Variants in LRRK2 observed in about 807,000 individuals in gnomAD.
LRRK2 encodes the protein leucine rich repeat kinase 2, also known as leucine-rich repeat serine/threonine-protein kinase 2.
LRRK2 carries 203 observed loss-of-function variants against 302.6 expected under a neutral mutation model. The ratio of observed to expected loss-of-function variants is 0.67; its 90% CI spans 0.60 to 0.75. The LOEUF (loss-of-function observed/expected upper bound fraction) is 0.75. Ranked by LOEUF, LRRK2 falls within the 30% of genes least tolerant of loss-of-function variation. LRRK2 has a pLI of 0.00. For synonymous variants in LRRK2, 1,066 were observed against 1,031.9 expected, an observed-to-expected ratio of 1.03 and a Z score of -0.63; for missense variants, 2,830 against 2,951.0, an observed-to-expected ratio of 0.96 and a Z score of 0.95.
Position 40,249,861 on chromosome 12 carries a change from C to T in LRRK2, c.874C>T (p.His292Tyr). 1.2e-6 allele frequency: 2 copies of T among 1,613,816 alleles called. No homozygotes were observed. Among genetic ancestry groups the T allele is most frequent in the Non-Finnish European group, 1.7e-6 (2 of 1,179,830 alleles). ...FFNILVLNEVHEFVVKAVQQY... is the reference protein window; with the variant it reads ...FFNILVLNEVYEFVVKAVQQY... ...CAATATCCTGGTATTAAACGAAGTC[C>T]ATGAGTTTGTGGTGAAAGCTGTGCA... Residue 292 changes from histidine to tyrosine, a missense_variant, in exon 8 of 51, where the codon CAT becomes TAT. Transcript: ENST00000298910.
intron 2 of LRRK2, 60 bp downstream of exon 2, chr12:40,225,700 C>A: frequency 7.0e-7 from 1 of 1,437,578 alleles, no homozygotes; most frequent in Non-Finnish European, 9.7e-7. Context: ...AGACGTTTTA[C>A]TGGCAATGTT....
intron 16 of LRRK2, among the ~76,000 whole-genome samples, chr12:40,276,468 GTATTTT>G (rs995823315): frequency 1.3e-5 from 2 of 152,098 alleles, no homozygotes; most frequent in Non-Finnish European, 2.9e-5. Context: ...GCTAATGTTT[GTATTTT>G]TAGCTGAGAT....
chr12:40,354,000 G>T (rs948300660), intron 44 of LRRK2, among the ~76,000 whole-genome samples: 1 of 152,140 alleles, frequency 6.6e-6, no homozygotes, highest in Non-Finnish European at 1.5e-5. Context: ...GAGACCATGG[G>T]GAGAGGGAGA....
chr12:40,251,644 T>C, intron 10 of LRRK2, 100 bp downstream of exon 10: 1 of 1,057,802 alleles, frequency 9.5e-7, no homozygotes, highest in Non-Finnish European at 1.4e-6. Context: ...AGAAATATTT[T>C]TGATATAGGC....
At chr12:40,357,050 AC>A (rs1946562112) in intron 46 of LRRK2, among the ~76,000 whole-genome samples, 2 of 152,100 alleles carry the variant, frequency 1.3e-5, no homozygotes, top group African/African-American at 4.8e-5. Flanking sequence ...GTATGTTTGT[AC>A]CCGTTAACCA....
Position 40,275,099 on chromosome 12 carries a change from A to C in LRRK2, c.1941+106A>C, listed in dbSNP as rs889450980. 8.3e-6 allele frequency: 10 copies of C among 1,210,782 alleles called. No individual in the cohort carries two copies. The Admixed American group carries it at 1.5e-4, about 19-fold the overall frequency. The allele number at this position is 1,210,782 out of a possible 1,614,324, so 75.0% of individuals were successfully genotyped here. On this transcript the variant is annotated intron_variant, in intron 16 of 50. Transcript: ENST00000298910. ...ATGAATGGGGTATTCTAGTTAATGG[A>C]AAACCATTTATCCTTTTGTAGTATT... is the stretch of plus-strand genomic sequence containing the variant.
At chr12:40,326,514 T>C (rs1182223731) in intron 38 of LRRK2, among the ~76,000 whole-genome samples, 1 of 151,432 alleles carries the variant, frequency 6.6e-6, no homozygotes, top group African/African-American at 2.4e-5. Flanking sequence ...TAGAAGTCCC[T>C]ACTCCAACTT....
At chr12:40,359,229 C>A in intron 46 of LRRK2, 31 bp from the exon 47 acceptor site, 1 of 1,554,288 alleles carries the variant, frequency 6.4e-7, no homozygotes, top group East Asian at 2.3e-5. Flanking sequence ...ACTCAATTTG[C>A]TGAGTGTGTT....
In LRRK2 at chr12:40,353,384, G is replaced by T. The variant is rs1032514476; in HGVS notation, c.6577-915G>T. On this transcript the variant is annotated intron_variant, in intron 44 of 50. Coordinates refer to ENST00000298910, the MANE Select transcript of LRRK2 (RefSeq NM_198578.4). ...CATAGGCTCTCCTCACATCCCAGAC[G>T]GGGCGGCAGGGCAGAGGCGCTCCCC... Among the ~76,000 whole-genome samples, 4 of 151,910 alleles carry T rather than the reference G, an allele frequency of 2.6e-5. No homozygotes were observed. In the South Asian group the frequency reaches 8.4e-4, roughly 32 times the overall value.
At chr12:40,301,689 G>T (rs1944632657) in intron 25 of LRRK2, among the ~76,000 whole-genome samples, 1 of 152,106 alleles carries the variant, frequency 6.6e-6, no homozygotes, top group Non-Finnish European at 1.5e-5. Context: ...CCTTGAAAAT[G>T]CTAATAACTA....
intron 50 of LRRK2, 44 bp from the exon 51 acceptor site, chr12:40,367,600 A>G (rs41286464): frequency 6.3e-6 from 10 of 1,582,952 alleles, no homozygotes; most frequent in South Asian, 3.5e-5. Flanking sequence ...AGAATGTTTT[A>G]TGATGGATCT....
At chr12:40,317,073 T>C (rs568130317) in intron 33 of LRRK2, among the ~76,000 whole-genome samples, 4 of 152,162 alleles carry the variant, frequency 2.6e-5, no homozygotes, top group Non-Finnish European at 5.9e-5. Flanking sequence ...TTTAAAAAAA[T>C]GCAGATTTTC....
rs142399623 is a variant in LRRK2 at position 40,225,176 on chromosome 12, T to C, written c.45T>C (p.Thr15=). ...AGGGGTGCGAAGAGGACGAGGAAAC[T>C]CTGAAGAAGTTGATAGTCAGGCTGA... The part of the protein sequence containing the change: ...SCQGCEEDEE[T]LKKLIVRLNN... Residue 15 remains threonine, a synonymous_variant, in exon 1 of 51, where the codon ACT becomes ACC. Transcript: ENST00000298910. 2.9e-4 allele frequency: 463 copies of C among 1,614,006 alleles called. No homozygotes were observed. Among genetic ancestry groups the C allele is most frequent in the Non-Finnish European group, 3.8e-4 (454 of 1,180,012 alleles).
chr12:40,274,515 A>G (rs1171554065), intron 14 of LRRK2, 68 bp from the exon 15 acceptor site: 18 of 1,529,568 alleles, frequency 1.2e-5, no homozygotes, highest in South Asian at 3.4e-5. Context: ...TTGTCAGTCT[A>G]TAACTGGTCT....
In LRRK2 at chr12:40,298,800, A is replaced by ATATATATATATATAT. The variant is rs1565726968; in HGVS notation, c.3348-304_3348-303insATATATATATTATAT. ...AGAAATATATATATATATATATATA[A>ATATATATATATATAT]TATATGTATTATAATATATAATACA... On this transcript the variant is annotated intron_variant, in intron 24 of 50. Coordinates refer to ENST00000298910, the MANE Select transcript of LRRK2 (RefSeq NM_198578.4). 9.9e-5 allele frequency among the ~76,000 whole-genome samples: 5 copies of ATATATATATATATAT among 50,600 alleles called. No individual in the cohort carries two copies. The East Asian group carries it at 2.2e-3, about 22-fold the overall frequency. 33.2% of individuals were successfully genotyped at this position (50,600 alleles called of 152,430 possible). A position where few individuals can be genotyped will look rare whatever the true frequency, so the allele number is the denominator to read the frequency against.
intron 12 of LRRK2, 62 bp downstream of exon 12, chr12:40,257,439 T>A: frequency 6.5e-7 from 1 of 1,550,150 alleles, no homozygotes. Flanking sequence ...AATATCAATA[T>A]TTCAAGCATA....
Position 40,322,457 on chromosome 12 carries a change from G to T in LRRK2, c.5456G>T (p.Gly1819Val). Residue 1819 changes from glycine to valine, a missense_variant, in exon 37 of 51, where the codon GGT (glycine) becomes GTT (valine). Coordinates refer to ENST00000298910, the MANE Select transcript of LRRK2 (RefSeq NM_198578.4). The part of the protein sequence containing the change: ...KKWALYSFND[G>V]EEHQKILLDD... ...TGGGCATTATATAGTTTTAATGATG[G>T]TGAAGAACATCAAAAAATCTTACTT... 6.2e-7 allele frequency: 1 copy of T among 1,613,320 alleles called. No individual in the cohort carries two copies. The highest frequency in any genetic ancestry group is 8.5e-7 in the Non-Finnish European group (1 of 1,179,434).
intron 40 of LRRK2, among the ~76,000 whole-genome samples, chr12:40,337,806 C>T (rs775751907): frequency 2.0e-5 from 3 of 152,164 alleles, no homozygotes; most frequent in Non-Finnish European, 4.4e-5. Flanking sequence ...CCCTTTGCGG[C>T]CCCTGCCACC....
chr12:40,323,534 A>G (rs1945460733), intron 38 of LRRK2, among the ~76,000 whole-genome samples: 1 of 152,136 alleles, frequency 6.6e-6, no homozygotes, highest in Non-Finnish European at 1.5e-5. Context: ...TGAGATTATC[A>G]TGGAAGCAGA....
Sources: gnomAD v4.1 joint callset for allele counts (sites outside exome capture counted in the v4.1 genomes callset) on GRCh38, gnomAD v4.1.1 for gene constraint, MANE v1.5 for transcripts, NCBI Gene and HGNC (gene_info 2026-07-23, HGNC 2026-07-21) for gene names.